TFCP2L1: variants seen among roughly 807,000 people sequenced by gnomAD.
TFCP2L1 encodes transcription factor CP2-like protein 1.
TFCP2L1 carries 12 observed loss-of-function variants against 72.2 expected under a neutral mutation model. That is an observed-to-expected ratio of 0.17 (90% CI 0.11 to 0.27). TFCP2L1 has a LOEUF of 0.27. TFCP2L1 is among the 10% of genes least tolerant of loss of function. The pLI is 1.00. For missense variants in TFCP2L1, 488 were observed against 624.6 expected, an observed-to-expected ratio of 0.78 and a Z score of 2.33; for synonymous variants, 260 against 251.0, an observed-to-expected ratio of 1.04 and a Z score of -0.34.
chr2:121,261,484 T>A (rs1686828926), intron 2 of TFCP2L1, among the ~76,000 whole-genome samples: 1 of 152,076 alleles, frequency 6.6e-6, no homozygotes, highest in African/African-American at 2.4e-5. Context: ...AGCTGAACAA[T>A]GTAAACAACA....
intron 12 of TFCP2L1, among the ~76,000 whole-genome samples, chr2:121,233,295 C>T (rs573152370): frequency 3.9e-5 from 6 of 152,198 alleles, no homozygotes; most frequent in Admixed American, 1.3e-4. Flanking sequence ...CTCCGCCTCC[C>T]GGGTTCAAAT....
intron 6 of TFCP2L1, among the ~76,000 whole-genome samples, chr2:121,245,352 C>T (rs189884380): frequency 9.7e-4 from 147 of 152,330 alleles, no homozygotes; most frequent in African/African-American, 3.3e-3. Context: ...CCATTTCAGA[C>T]TTCTGACTGC....
intron 2 of TFCP2L1, among the ~76,000 whole-genome samples, chr2:121,277,864 G>A (rs1217898992): frequency 6.6e-6 from 1 of 152,068 alleles, no homozygotes; most frequent in African/African-American, 2.4e-5. Flanking sequence ...TGAAATCGGA[G>A]GGGATTTTAA....
At chr2:121,242,249 C>G in intron 7 of TFCP2L1, 110 bp downstream of exon 7, 3 of 897,586 alleles carry the variant, frequency 3.3e-6, no homozygotes, top group Non-Finnish European at 5.4e-6. Flanking sequence ...AGAATAAGCA[C>G]TCTCAGAAGT....
At chr2:121,258,493 C>A (rs572408159) in intron 2 of TFCP2L1, among the ~76,000 whole-genome samples, 1 of 152,230 alleles carries the variant, frequency 6.6e-6, no homozygotes, top group Non-Finnish European at 1.5e-5. Context: ...GAGGAAGAGG[C>A]GCACAGCTTC....
chr2:121,284,935 C>G, intron 1 of TFCP2L1, 113 bp downstream of exon 1: 1 of 941,694 alleles, frequency 1.1e-6, no homozygotes, highest in South Asian at 2.8e-5. Flanking sequence ...AGAGGGCGGA[C>G]AGCGGGGAGG....
intron 7 of TFCP2L1, chr2:121,240,245 A>G (rs1558731992): frequency 2.0e-6 from 2 of 985,300 alleles, no homozygotes; most frequent in East Asian, 1.1e-4. Context: ...CAAACATGAA[A>G]GATGTGATCC....
chr2:121,242,525 C>A, intron 6 of TFCP2L1, 56 bp from the exon 7 acceptor site: 1 of 1,552,256 alleles, frequency 6.4e-7, no homozygotes. Flanking sequence ...CAGCAGCCCC[C>A]AAGCCCTCTC....
chr2:121,283,889 T>C (rs1687312199), intron 1 of TFCP2L1, among the ~76,000 whole-genome samples: 1 of 152,224 alleles, frequency 6.6e-6, no homozygotes, highest in Non-Finnish European at 1.5e-5. Context: ...TCTGGTGACA[T>C]CACCGTGGTC....
intron 2 of TFCP2L1, among the ~76,000 whole-genome samples, chr2:121,265,148 G>T (rs143151363): frequency 2.5e-4 from 38 of 152,260 alleles, no homozygotes; most frequent in Middle Eastern, 3.4e-3. Flanking sequence ...CAATAAAAAA[G>T]GAATGAAATA....
rs1685882342 is a variant in TFCP2L1, at chr2:121,219,006, G to A, written c.*5335C>T. ...GGGAAGGAGGTGGCAATCAGAAGAGGGTACAAACATTTCCTACCTGCAACC... is the reference window on the plus strand; with the variant it reads ...GGGAAGGAGGTGGCAATCAGAAGAGAGTACAAACATTTCCTACCTGCAACC... On this transcript the variant is annotated 3_prime_UTR_variant, in exon 15 of 15. Coordinates refer to ENST00000263707, the MANE Select transcript of TFCP2L1 (RefSeq NM_014553.3). 1 of 152,230 alleles carries A rather than the reference G, an allele frequency of 6.6e-6. No individual in the cohort carries two copies. The highest frequency in any genetic ancestry group is 1.5e-5 in the Non-Finnish European group (1 of 68,132). 9.4% of individuals were successfully genotyped at this position (152,230 alleles called of 1,614,324 possible). A position where few individuals can be genotyped will look rare whatever the true frequency, so the allele number is the denominator to read the frequency against.
Position 121,248,976 on chromosome 2 carries a change from A to G in TFCP2L1, c.397+6T>C. ...TTGCCTGGCCTCTCCTGGCCAGGAG[A>G]CTCACCGATGTCCAGGATCCGGTCC... On this transcript the variant is annotated splice_donor_region_variant and intron_variant, in intron 4 of 14. Transcript: ENST00000263707. The G allele has an allele frequency of 6.3e-7, 1 of 1,581,608 alleles. No homozygotes were observed. Among genetic ancestry groups the G allele is most frequent in the Non-Finnish European group, 8.6e-7 (1 of 1,164,284 alleles).
chr2:121,234,803 G>A (rs960140141), intron 11 of TFCP2L1, among the ~76,000 whole-genome samples: 2 of 152,250 alleles, frequency 1.3e-5, no homozygotes, highest in East Asian at 1.9e-4. Context: ...GCAGGACGGC[G>A]CTGCTCTGGA....
chr2:121,282,996 T>C (rs1687295779), intron 1 of TFCP2L1, among the ~76,000 whole-genome samples: 1 of 152,226 alleles, frequency 6.6e-6, no homozygotes, highest in South Asian at 2.1e-4. Context: ...GTCTTCCTTT[T>C]GTCAGAGCAG....
intron 1 of TFCP2L1, among the ~76,000 whole-genome samples, chr2:121,283,840 T>C (rs1261538778): frequency 6.6e-6 from 1 of 152,244 alleles, no homozygotes; most frequent in African/African-American, 2.4e-5. Context: ...GAATGGACAC[T>C]TAATCTCTGG....
Position 121,273,323 on chromosome 2 carries a change from T to C in TFCP2L1, c.214+7797A>G, listed in dbSNP as rs1687082771. Among the ~76,000 whole-genome samples, 3 of 152,124 alleles carry C rather than the reference T, an allele frequency of 2.0e-5. No individual in the cohort carries two copies. The South Asian group carries it at 6.2e-4, about 32-fold the overall frequency. Reference sequence around the variant, plus strand: ...TCCTCCTCCTCCACATCCCTTGTCATCCCTCCACACCCTCCTCATCCCTTC... The same window carrying C: ...TCCTCCTCCTCCACATCCCTTGTCACCCCTCCACACCCTCCTCATCCCTTC... On this transcript the variant is annotated intron_variant, in intron 2 of 14. Transcript: ENST00000263707.
intron 3 of TFCP2L1, 38 bp from the exon 4 acceptor site, chr2:121,249,125 G>A (rs1355449980): frequency 4.8e-6 from 7 of 1,460,326 alleles, no homozygotes; most frequent in Non-Finnish European, 6.4e-6. Context: ...AGTGACCGCG[G>A]GGGGCCAAGA....
intron 2 of TFCP2L1, among the ~76,000 whole-genome samples, chr2:121,251,545 G>A (rs1686613794): frequency 6.6e-6 from 1 of 152,218 alleles, no homozygotes; most frequent in Non-Finnish European, 1.5e-5. Flanking sequence ...GAGGAACAGG[G>A]AAGATGTTGA....
intron 13 of TFCP2L1, among the ~76,000 whole-genome samples, chr2:121,230,305 G>C (rs2104664223): frequency 6.6e-6 from 1 of 152,270 alleles, no homozygotes; most frequent in African/African-American, 2.4e-5. Context: ...CCGAGTACCT[G>C]GGATTACAGG....
Sources: gnomAD v4.1 joint callset for allele counts (sites outside exome capture counted in the v4.1 genomes callset) on GRCh38, gnomAD v4.1.1 for gene constraint, MANE v1.5 for transcripts, NCBI Gene and HGNC (gene_info 2026-07-23, HGNC 2026-07-21) for gene names.